The following UBE2E2 variants were observed in gnomAD, a reference collection of about 807,000 sequenced individuals.
UBE2E2 encodes ubiquitin conjugating enzyme E2 E2.
Under a neutral mutation model 24.7 loss-of-function variants are expected in UBE2E2, and 6 were observed. That is an observed-to-expected ratio of 0.24 (90% confidence interval 0.13 to 0.48). UBE2E2 has a LOEUF of 0.48. Among genes scored for constraint, UBE2E2 ranks in the 20% least tolerant of loss-of-function variants. UBE2E2 has a pLI of 0.99. For missense variants in UBE2E2, 169 were observed against 245.0 expected, an observed-to-expected ratio of 0.69 and a Z score of 2.07; for synonymous variants, 104 against 83.6, an observed-to-expected ratio of 1.24 and a Z score of -1.33.
chr3:23,518,534 A>G (rs555650857), intron 4 of UBE2E2, among the ~76,000 whole-genome samples: 1 of 152,348 alleles, frequency 6.6e-6, no homozygotes, highest in African/African-American at 2.4e-5. Flanking sequence ...ACAGTGAGGA[A>G]GGAAACTTAG....
intron 5 of UBE2E2, among the ~76,000 whole-genome samples, chr3:23,542,917 G>C (rs1695425568): frequency 6.6e-6 from 1 of 152,104 alleles, no homozygotes; most frequent in Non-Finnish European, 1.5e-5. Context: ...ATATTTTATT[G>C]TCTCTTAATT....
intron 3 of UBE2E2, among the ~76,000 whole-genome samples, chr3:23,375,615 A>G (rs1366347343): frequency 6.6e-6 from 1 of 152,174 alleles, no homozygotes; most frequent in African/African-American, 2.4e-5. Context: ...TGGGAAACCA[A>G]ATTATACTTC....
chr3:23,525,268 T>C (rs1694967840), intron 4 of UBE2E2, among the ~76,000 whole-genome samples: 1 of 152,178 alleles, frequency 6.6e-6, no homozygotes, highest in Non-Finnish European at 1.5e-5. Context: ...GTTTTTATCA[T>C]GTGAGGTAAC....
chr3:23,242,140 C>T (rs1697275403), intron 3 of UBE2E2, among the ~76,000 whole-genome samples: 2 of 152,022 alleles, frequency 1.3e-5, no homozygotes, highest in Non-Finnish European at 2.9e-5. Context: ...GGTCTTGAAA[C>T]TCATGACCTC....
chr3:23,388,381 T>A (rs1348127927), intron 3 of UBE2E2, among the ~76,000 whole-genome samples: 2 of 152,248 alleles, frequency 1.3e-5, no homozygotes, highest in African/African-American at 4.8e-5. Context: ...ATATTGTTTG[T>A]TCTCTTACAT....
chr3:23,524,880 A>G (rs1449149589), intron 4 of UBE2E2, among the ~76,000 whole-genome samples: 1 of 151,930 alleles, frequency 6.6e-6, no homozygotes, highest in Non-Finnish European at 1.5e-5. Context: ...ACACACACAC[A>G]CACACACACA....
chr3:23,309,087 G>A (rs899502660), intron 3 of UBE2E2, among the ~76,000 whole-genome samples: 1 of 152,228 alleles, frequency 6.6e-6, no homozygotes, highest in Admixed American at 6.5e-5. Flanking sequence ...ATGGGCAACT[G>A]TTCTAGTTCC....
intron 3 of UBE2E2, among the ~76,000 whole-genome samples, chr3:23,287,492 G>A (rs767905127): frequency 6.6e-6 from 1 of 152,024 alleles, no homozygotes; most frequent in Non-Finnish European, 1.5e-5. Flanking sequence ...AGTTTGAGTA[G>A]GATTGATAGT....
intron 1 of UBE2E2, among the ~76,000 whole-genome samples, chr3:23,204,427 A>T (rs1382442443): frequency 6.6e-6 from 1 of 152,208 alleles, no homozygotes; most frequent in Non-Finnish European, 1.5e-5. Context: ...TAAAAGTACG[A>T]AAGGAAGTGC....
At chr3:23,579,453 G>T (rs1696423304) in intron 5 of UBE2E2, among the ~76,000 whole-genome samples, 1 of 150,846 alleles carries the variant, frequency 6.6e-6, no homozygotes. Context: ...TGCTTTGGGA[G>T]GCTAGGTGGG....
chr3:23,540,826 T>G (rs1179372094), intron 5 of UBE2E2, among the ~76,000 whole-genome samples: 1 of 152,012 alleles, frequency 6.6e-6, no homozygotes, highest in African/African-American at 2.4e-5. Context: ...GCTCAAGTGG[T>G]CTCAAGTGAT....
At chr3:23,522,127 A>G (rs990352603) in intron 4 of UBE2E2, among the ~76,000 whole-genome samples, 3 of 123,730 alleles carry the variant, frequency 2.4e-5, no homozygotes, top group African/African-American at 1.0e-4. Context: ...ATAACCAGCT[A>G]ATTTTTTTTT....
At chr3:23,241,574 G>A (rs1697261071) in intron 3 of UBE2E2, among the ~76,000 whole-genome samples, 1 of 151,704 alleles carries the variant, frequency 6.6e-6, no homozygotes, top group African/African-American at 2.4e-5. Flanking sequence ...TCTCTGCACT[G>A]GCTATTTCCT....
chr3:23,279,119 A>G (rs2125369981), intron 3 of UBE2E2, among the ~76,000 whole-genome samples: 1 of 152,264 alleles, frequency 6.6e-6, no homozygotes, highest in East Asian at 1.9e-4. Flanking sequence ...TGTAATAAAC[A>G]TGGTTTTAAA....
chr3:23,254,831 G>A (rs887044719), intron 3 of UBE2E2, among the ~76,000 whole-genome samples: 4 of 152,092 alleles, frequency 2.6e-5, no homozygotes, highest in Admixed American at 1.3e-4. Flanking sequence ...TGGAAAGGCA[G>A]GGTGTGGCCA....
chr3:23,543,463 G>A (rs1040452956), intron 5 of UBE2E2, among the ~76,000 whole-genome samples: 2 of 151,432 alleles, frequency 1.3e-5, no homozygotes, highest in African/African-American at 4.9e-5. Flanking sequence ...TCTTACAATA[G>A]CTGCAAAAAT....
At chr3:23,477,627 A>G (rs903903314) in intron 3 of UBE2E2, among the ~76,000 whole-genome samples, 1 of 152,202 alleles carries the variant, frequency 6.6e-6, no homozygotes, top group Non-Finnish European at 1.5e-5. Flanking sequence ...GAACAAGTAA[A>G]TTTTATTTAG....
intron 3 of UBE2E2, among the ~76,000 whole-genome samples, chr3:23,272,214 G>A (rs914377092): frequency 1.3e-5 from 2 of 152,200 alleles, no homozygotes; most frequent in Non-Finnish European, 2.9e-5. Flanking sequence ...TGTGGCACGG[G>A]CAGTCTGGCA....
chr3:23,364,152 A>T (rs2125334271), intron 3 of UBE2E2, among the ~76,000 whole-genome samples: 1 of 152,248 alleles, frequency 6.6e-6, no homozygotes, highest in South Asian at 2.1e-4. Flanking sequence ...AAACACCCAG[A>T]GAAACGGACT....
Sources: allele counts gnomAD v4.1 joint callset (sites outside exome capture counted in the v4.1 genomes callset), GRCh38; gene constraint gnomAD v4.1.1; transcripts MANE v1.5; gene names NCBI Gene and HGNC (gene_info 2026-07-23, HGNC 2026-07-21).